Variants in CNTNAP2 observed in about 807,000 individuals in gnomAD.
CNTNAP2 encodes contactin-associated protein-like 2.
CNTNAP2 carries 98 observed loss-of-function variants against 155.2 expected under a neutral mutation model. The observed-to-expected ratio is 0.63, with a 90% confidence interval of 0.54 to 0.75. The LOEUF is 0.75. CNTNAP2 is among the 30% of genes least tolerant of loss of function. The probability of loss-of-function intolerance (pLI) is 0.00; values close to 1 mark genes in which losing one functional copy is unlikely to be tolerated. For missense variants in CNTNAP2, 1,727 were observed against 1,688.1 expected (o/e 1.02, Z -0.40); for synonymous variants, 651 against 631.2 (o/e 1.03, Z -0.47).
chr7:146,253,256 G>A (rs1359955428), intron 1 of CNTNAP2, among the ~76,000 whole-genome samples: 1 of 152,172 alleles, frequency 6.6e-6, no homozygotes. Flanking sequence ...TCTCCACTTG[G>A]AATGGCTTTT....
At chr7:146,216,006 AG>A (rs1179128911) in intron 1 of CNTNAP2, among the ~76,000 whole-genome samples, 16 of 152,350 alleles carry the variant, frequency 1.1e-4, no homozygotes, top group African/African-American at 3.4e-4. Flanking sequence ...CAGGGAAGGG[AG>A]GCCAGTTGCT....
At chr7:146,904,850 G>A (rs1423214677) in intron 3 of CNTNAP2, among the ~76,000 whole-genome samples, 1 of 152,118 alleles carries the variant, frequency 6.6e-6, no homozygotes, top group African/African-American at 2.4e-5. Context: ...AAGTTCAATG[G>A]TTTTCTTAAT....
intron 1 of CNTNAP2, among the ~76,000 whole-genome samples, chr7:146,429,056 G>A (rs1796134726): frequency 1.3e-5 from 2 of 152,116 alleles, no homozygotes; most frequent in East Asian, 1.9e-4. Context: ...ACATTTCTGA[G>A]TTCTCTATTA....
chr7:147,533,856 A>G (rs1373034420), intron 11 of CNTNAP2, among the ~76,000 whole-genome samples: 1 of 152,224 alleles, frequency 6.6e-6, no homozygotes, highest in South Asian at 2.1e-4. Flanking sequence ...AAGACACATT[A>G]AGCATGTAAT....
intron 15 of CNTNAP2, among the ~76,000 whole-genome samples, chr7:148,069,006 T>C (rs1563188306): frequency 6.6e-6 from 1 of 152,204 alleles, no homozygotes; most frequent in Non-Finnish European, 1.5e-5. Flanking sequence ...GGTTCCTAAG[T>C]TTCCCTTCCC....
chr7:146,601,401 A>T (rs1033146922), intron 1 of CNTNAP2, among the ~76,000 whole-genome samples: 1 of 152,130 alleles, frequency 6.6e-6, no homozygotes, highest in Non-Finnish European at 1.5e-5. Context: ...GTCAGGGAGA[A>T]CTTGGAAATG....
chr7:148,065,403 T>C (rs960056615), intron 15 of CNTNAP2, among the ~76,000 whole-genome samples: 9 of 152,168 alleles, frequency 5.9e-5, no homozygotes, highest in African/African-American at 2.2e-4. Flanking sequence ...CCCCCAATAT[T>C]GTTGTGTTGT....
chr7:147,270,015 T>C (rs897935030), intron 8 of CNTNAP2, among the ~76,000 whole-genome samples: 7 of 152,172 alleles, frequency 4.6e-5, no homozygotes, highest in Non-Finnish European at 8.8e-5. Context: ...TGAGCTATGA[T>C]TGTGCCACTG....
intron 8 of CNTNAP2, among the ~76,000 whole-genome samples, chr7:147,278,231 T>G (rs557714521): frequency 6.6e-6 from 1 of 151,836 alleles, no homozygotes; most frequent in African/African-American, 2.4e-5. Flanking sequence ...TAGAAACTTT[T>G]CCATGAAGTC....
intron 12 of CNTNAP2, among the ~76,000 whole-genome samples, chr7:147,618,463 C>T (rs547977264): frequency 3.3e-5 from 5 of 152,020 alleles, no homozygotes; most frequent in East Asian, 3.9e-4. Context: ...TTAACTGGTA[C>T]GATGACATGG....
chr7:148,010,553 G>A (rs1485201495), intron 15 of CNTNAP2, among the ~76,000 whole-genome samples: 1 of 151,124 alleles, frequency 6.6e-6, no homozygotes, highest in Non-Finnish European at 1.5e-5. Flanking sequence ...ATAATCTAAG[G>A]GTTCAGTTTC....
intron 1 of CNTNAP2, among the ~76,000 whole-genome samples, chr7:146,268,235 C>T (rs1194158948): frequency 6.6e-6 from 1 of 152,138 alleles, no homozygotes; most frequent in East Asian, 1.9e-4. Flanking sequence ...AAAGCTCTGA[C>T]CATTAGTCTG....
chr7:147,494,299 AAC>A (rs1798657031), intron 11 of CNTNAP2, among the ~76,000 whole-genome samples: 1 of 152,138 alleles, frequency 6.6e-6, no homozygotes, highest in African/African-American at 2.4e-5. Flanking sequence ...CATTTGGAGA[AAC>A]ACAGCCCAAG....
At chr7:147,437,457 A>G (rs1797569939) in intron 10 of CNTNAP2, among the ~76,000 whole-genome samples, 1 of 151,986 alleles carries the variant, frequency 6.6e-6, no homozygotes, top group Admixed American at 6.6e-5. Flanking sequence ...AATATTCCAG[A>G]ATGTCTTTTT....
intron 1 of CNTNAP2, among the ~76,000 whole-genome samples, chr7:146,228,447 A>T (rs1055322486): frequency 6.6e-6 from 1 of 152,206 alleles, no homozygotes; most frequent in African/African-American, 2.4e-5. Flanking sequence ...TAAAAGTTAA[A>T]TGAATGAATA....
intron 4 of CNTNAP2, among the ~76,000 whole-genome samples, chr7:147,045,258 C>T (rs1385002928): frequency 6.6e-6 from 1 of 152,078 alleles, no homozygotes; most frequent in Non-Finnish European, 1.5e-5. Context: ...AATGAGTTCA[C>T]ACTAAGCAGA....
intron 10 of CNTNAP2, among the ~76,000 whole-genome samples, chr7:147,479,297 C>T (rs958355678): frequency 6.6e-6 from 1 of 152,184 alleles, no homozygotes; most frequent in Non-Finnish European, 1.5e-5. Flanking sequence ...TAATATCTGG[C>T]ATATGTATAT....
chr7:147,936,274 TGTA>T (rs1800604590), intron 14 of CNTNAP2, among the ~76,000 whole-genome samples: 1 of 151,230 alleles, frequency 6.6e-6, no homozygotes, highest in Non-Finnish European at 1.5e-5. Context: ...GCCAGGGTTG[TGTA>T]TACTGTACAC....
rs141898826 is a variant in CNTNAP2, at chr7:146,996,956, G to T, written c.403-46951G>T. Among the ~76,000 whole-genome samples, 257 of 152,144 alleles carry T rather than the reference G, an allele frequency of 1.7e-3. 1 individual carries two copies. Among genetic ancestry groups the T allele is most frequent in the African/African-American group, 5.7e-3 (236 of 41,522 alleles). ...AGTTTTATAAGGGGAGGCTCCTTTCGCTTGGCTCTCATTCTCTCTCTTGCC... is the reference window on the plus strand; with the variant it reads ...AGTTTTATAAGGGGAGGCTCCTTTCTCTTGGCTCTCATTCTCTCTCTTGCC... On this transcript the variant is annotated intron_variant, in intron 3 of 23. Transcript: ENST00000361727.
Sources: gnomAD v4.1 joint callset for allele counts (sites outside exome capture counted in the v4.1 genomes callset) on GRCh38, gnomAD v4.1.1 for gene constraint, MANE v1.5 for transcripts, NCBI Gene and HGNC (gene_info 2026-07-23, HGNC 2026-07-21) for gene names.